DUSP10: variants seen among roughly 807,000 people sequenced by gnomAD.
DUSP10 encodes the protein dual specificity phosphatase 10.
Under a neutral mutation model 30.8 loss-of-function variants are expected in DUSP10, and 14 were observed. That is an observed-to-expected ratio of 0.46 (90% CI 0.30 to 0.71). The LOEUF (loss-of-function observed/expected upper bound fraction) is 0.71. Among genes scored for constraint, DUSP10 ranks in the 30% least tolerant of loss-of-function variants. The pLI is 0.08. For missense variants in DUSP10, 550 were observed against 619.4 expected (o/e 0.89, Z 1.19); for synonymous variants, 254 against 250.4 (o/e 1.01, Z -0.14).
intron 2 of DUSP10, among the ~76,000 whole-genome samples, chr1:221,726,229 T>C (rs1661419429): frequency 6.6e-6 from 1 of 152,188 alleles, no homozygotes; most frequent in African/African-American, 2.4e-5. Flanking sequence ...AAATGGCAGC[T>C]AGTACCCATT....
Position 221,712,777 on chromosome 1 carries a change from C to CAAAAAAAAA in DUSP10, c.812-6320_812-6312dup, listed in dbSNP as rs58249338. The stretch of plus-strand genomic sequence containing the variant: ...AGACAGTGGATGATATATAAAGCAG[C>CAAAAAAAAA]AAAAAAAAAAAAAAAAAAAAAAAGA... On this transcript the variant is annotated intron_variant, in intron 2 of 3. Transcript: ENST00000366899. 1.9e-3 allele frequency among the ~76,000 whole-genome samples: 107 copies of CAAAAAAAAA among 56,890 alleles called. 7 individuals are homozygous for CAAAAAAAAA. The highest frequency in any genetic ancestry group is 4.6e-3 in the African/African-American group (58 of 12,608). 37.3% of individuals were successfully genotyped at this position (56,890 alleles called of 152,430 possible).
chr1:221,717,561 A>C (rs1401422352), intron 2 of DUSP10, among the ~76,000 whole-genome samples: 1 of 152,078 alleles, frequency 6.6e-6, no homozygotes, highest in Non-Finnish European at 1.5e-5. Context: ...TTCTGAATGC[A>C]TTTTTTGTGG....
chr1:221,719,336 G>A (rs1054584604), intron 2 of DUSP10, among the ~76,000 whole-genome samples: 2 of 152,166 alleles, frequency 1.3e-5, no homozygotes, highest in African/African-American at 4.8e-5. Flanking sequence ...GAAAGAAAAG[G>A]CATGGGCTTT....
intron 3 of DUSP10, among the ~76,000 whole-genome samples, chr1:221,704,906 T>C (rs1440761983): frequency 6.6e-6 from 1 of 152,146 alleles, no homozygotes; most frequent in Non-Finnish European, 1.5e-5. Flanking sequence ...CACTGGCTGT[T>C]AAACCTGAGG....
intron 2 of DUSP10, among the ~76,000 whole-genome samples, chr1:221,724,580 C>A (rs1042422296): frequency 6.6e-6 from 1 of 152,178 alleles, no homozygotes; most frequent in African/African-American, 2.4e-5. Flanking sequence ...CCACGTTTGG[C>A]TTGCAGCAAG....
chr1:221,721,493 C>T (rs768624820), intron 2 of DUSP10, among the ~76,000 whole-genome samples: 7 of 152,208 alleles, frequency 4.6e-5, no homozygotes, highest in Non-Finnish European at 8.8e-5. Context: ...CAGGTGAATT[C>T]AGCACAAGGA....
intron 2 of DUSP10, among the ~76,000 whole-genome samples, chr1:221,727,824 A>G (rs1661467993): frequency 6.6e-6 from 1 of 152,104 alleles, no homozygotes; most frequent in South Asian, 2.1e-4. Context: ...TTGATCACCC[A>G]TGTCCCCCTC....
chr1:221,732,910 C>G (rs1571830273), intron 2 of DUSP10, among the ~76,000 whole-genome samples: 1 of 152,194 alleles, frequency 6.6e-6, no homozygotes, highest in South Asian at 2.1e-4. Context: ...GATTAGGGGC[C>G]CTCTAAAGTT....
intron 2 of DUSP10, among the ~76,000 whole-genome samples, chr1:221,733,517 T>A (rs1308443985): frequency 1.3e-5 from 2 of 152,224 alleles, no homozygotes; most frequent in Non-Finnish European, 2.9e-5. Flanking sequence ...CTTAACAGGC[T>A]CCCACAGTAC....
At chr1:221,725,017 T>C (rs1305833444) in intron 2 of DUSP10, among the ~76,000 whole-genome samples, 1 of 152,160 alleles carries the variant, frequency 6.6e-6, no homozygotes, top group African/African-American at 2.4e-5. Context: ...CGCAGATACA[T>C]GGGGATGCCT....
rs532380053 is a variant in DUSP10, at chr1:221,707,188, C to T, written c.812-722G>A. Among the ~76,000 whole-genome samples, 18 of 152,270 alleles carry T rather than the reference C, an allele frequency of 1.2e-4. No homozygotes were observed. The East Asian group carries it at 3.1e-3, about 26-fold the overall frequency. On this transcript the variant is annotated intron_variant, in intron 2 of 3. Coordinates refer to ENST00000366899, the MANE Select transcript of DUSP10 (RefSeq NM_007207.6). ...CTGGCACACAGTAGAACTCAGCAGG[C>T]ATTCACTATTTTAATTTATATTATT... is the stretch of plus-strand genomic sequence containing the variant.
In DUSP10 at chr1:221,702,391, T is replaced by C. The variant is rs976037206; in HGVS notation, c.*21A>G. 2 of 1,610,124 alleles carry C rather than the reference T, an allele frequency of 1.2e-6. No individual in the cohort carries two copies. Among genetic ancestry groups the C allele is most frequent in the Non-Finnish European group, 1.7e-6 (2 of 1,177,858 alleles). On this transcript the variant is annotated 3_prime_UTR_variant, in exon 4 of 4. Transcript: ENST00000366899. This position sits in a 1 kb window ranked among gnomAD's most constrained non-coding sequence, Gnocchi z 4.5. ...ATTGTCTCCTAATGGAGAGCAGCAA[T>C]CCTTTCCATCCAGACCATTGTCACA...
chr1:221,724,329 C>T (rs1661362860), intron 2 of DUSP10, among the ~76,000 whole-genome samples: 1 of 113,532 alleles, frequency 8.8e-6, no homozygotes, highest in Non-Finnish European at 1.7e-5. Flanking sequence ...ATTCAGGCTA[C>T]TATAATAACA....
Position 221,738,977 on chromosome 1 carries a change from G to C in DUSP10, c.768C>G (p.Leu256=). ...VMPSQPLHIV[L]ESLKREGKEP... is the part of the protein sequence containing the mutation. ...CTTTGCCTTCTCTCTTCAGGGACTC[G>C]AGGACTATGTGAAGTGGCTGGGAGG... is the stretch of plus-strand genomic sequence containing the variant. The change falls in exon 2 of 4, where the codon CTC becomes CTG. Residue 256 remains leucine, a synonymous_variant. Transcript: ENST00000366899. 1 of 1,613,936 alleles carries C rather than the reference G, an allele frequency of 6.2e-7. No homozygotes were observed. The highest frequency in any genetic ancestry group is 8.5e-7 in the Non-Finnish European group (1 of 1,179,896).
intron 2 of DUSP10, among the ~76,000 whole-genome samples, chr1:221,736,439 C>T (rs1173631168): frequency 6.6e-6 from 1 of 152,214 alleles, no homozygotes; most frequent in African/African-American, 2.4e-5. Flanking sequence ...CACTACCACT[C>T]TTGCTGAAAC....
intron 2 of DUSP10, chr1:221,737,113 T>TA: frequency 2.0e-6 from 2 of 985,410 alleles, no homozygotes; most frequent in African/African-American, 1.7e-5. Context: ...GGGTCACCCC[T>TA]ATCCACAACT....
At position 221,739,289 on chromosome 1, in the gene DUSP10, G is replaced by A; in HGVS notation, c.456C>T (p.Pro152=). 1 of 1,614,192 alleles carries A rather than the reference G, an allele frequency of 6.2e-7. No homozygotes were observed. Among genetic ancestry groups the A allele is most frequent in the Non-Finnish European group, 8.5e-7 (1 of 1,180,032 alleles). ...KQLASIKIIY[P]NDLAKKMTKC... is the part of the protein sequence containing the mutation. Reference sequence around the variant, plus strand: ...TGGTCATCTTCTTTGCCAAGTCATTGGGGTAGATTATTTTGATGCTGGCTA... The same window carrying A: ...TGGTCATCTTCTTTGCCAAGTCATTAGGGTAGATTATTTTGATGCTGGCTA... The change falls in exon 2 of 4, where the codon CCC becomes CCT. Residue 152 remains proline (P), a synonymous_variant. Coordinates refer to ENST00000366899, the MANE Select transcript of DUSP10 (RefSeq NM_007207.6).
At chr1:221,714,503 C>G (rs1571814450) in intron 2 of DUSP10, among the ~76,000 whole-genome samples, 1 of 152,102 alleles carries the variant, frequency 6.6e-6, no homozygotes, top group African/African-American at 2.4e-5. Flanking sequence ...AAGATGGCGC[C>G]AGGCAAGGGG....
intron 2 of DUSP10, among the ~76,000 whole-genome samples, chr1:221,716,651 G>A (rs1379801391): frequency 6.6e-6 from 1 of 152,236 alleles, no homozygotes; most frequent in Non-Finnish European, 1.5e-5. Context: ...CTTCAATCAA[G>A]TGAATGGCTA....
Sources: gnomAD v4.1 joint callset for allele counts (sites outside exome capture counted in the v4.1 genomes callset) on GRCh38, gnomAD v4.1.1 for gene constraint, Gnocchi (gnomAD v3.1) non-coding constraint, MANE v1.5 for transcripts, NCBI Gene and HGNC (gene_info 2026-07-23, HGNC 2026-07-21) for gene names.